ME3: variants seen among roughly 807,000 people sequenced by gnomAD.
The protein encoded by ME3 is NADP-dependent malic enzyme, mitochondrial.
In ME3, 48 loss-of-function variants were observed where a neutral mutation model predicts 68.9. That is an observed-to-expected ratio of 0.70 (90% CI 0.55 to 0.89). The LOEUF is 0.89. Ranked by LOEUF, ME3 falls within the 40% of genes least tolerant of loss-of-function variation. The probability of loss-of-function intolerance (pLI) is 0.00; values close to 1 mark genes in which losing one functional copy is unlikely to be tolerated. For missense variants in ME3, 675 were observed against 797.4 expected (o/e 0.85, Z 1.85); for synonymous variants, 320 against 318.8 (o/e 1.00, Z -0.04).
intron 2 of ME3, among the ~76,000 whole-genome samples, chr11:86,647,007 A>G (rs1358845564): frequency 6.6e-6 from 1 of 152,212 alleles, no homozygotes; most frequent in African/African-American, 2.4e-5. Context: ...ATGCTGAGGG[A>G]TTTTGTCACT....
At chr11:86,521,845 C>T (rs1023697090) in intron 4 of ME3, among the ~76,000 whole-genome samples, 4 of 152,178 alleles carry the variant, frequency 2.6e-5, no homozygotes, top group Admixed American at 6.5e-5. Context: ...CCTGTGTAGT[C>T]ATTAATTAAA....
intron 2 of ME3, among the ~76,000 whole-genome samples, chr11:86,655,413 G>T (rs1458786188): frequency 6.6e-6 from 1 of 152,084 alleles, no homozygotes; most frequent in Non-Finnish European, 1.5e-5. Context: ...TAGATCAATG[G>T]AACAGAACAG....
rs949293919 is a variant in ME3 at position 86,533,001 on chromosome 11, G to C, written c.467+23552C>G. 3.8e-4 allele frequency among the ~76,000 whole-genome samples: 58 copies of C among 152,010 alleles called. 1 individual carries two copies. The highest frequency in any genetic ancestry group is 7.9e-4 in the Non-Finnish European group (54 of 67,990). ...CAGGAGGCAGAGGTTGCAGTGAGCT[G>C]AGATCGCATCATTGCACTCCAGCCT... is the stretch of plus-strand genomic sequence containing the variant. On this transcript the variant is annotated intron_variant, in intron 4 of 14. Transcript: ENST00000543262.
intron 7 of ME3, among the ~76,000 whole-genome samples, chr11:86,483,959 T>C (rs149416153): frequency 6.6e-6 from 1 of 152,344 alleles, no homozygotes; most frequent in Non-Finnish European, 1.5e-5. Context: ...ATCCACTGCA[T>C]GACAGGGAAA....
intron 4 of ME3, among the ~76,000 whole-genome samples, chr11:86,527,798 C>A (rs200936579): frequency 1.3e-5 from 2 of 152,178 alleles, no homozygotes; most frequent in East Asian, 1.9e-4. Context: ...CATAGACAAG[C>A]AAATGCTGAG....
At chr11:86,475,777 C>T (rs1424591022) in intron 7 of ME3, among the ~76,000 whole-genome samples, 2 of 150,760 alleles carry the variant, frequency 1.3e-5, no homozygotes, top group African/African-American at 4.9e-5. Context: ...AGATTAAAGT[C>T]CTAGGCTGGA....
At chr11:86,577,453 T>G (rs1344573052) in intron 2 of ME3, among the ~76,000 whole-genome samples, 1 of 152,172 alleles carries the variant, frequency 6.6e-6, no homozygotes, top group East Asian at 1.9e-4. Flanking sequence ...ACTTGTTCAT[T>G]CAACAAATGT....
chr11:86,503,113 A>G (rs1487157512), intron 5 of ME3, among the ~76,000 whole-genome samples: 1 of 151,950 alleles, frequency 6.6e-6, no homozygotes, highest in Non-Finnish European at 1.5e-5. Flanking sequence ...TTAGTTTCAA[A>G]TCTTGGTTCC....
intron 2 of ME3, among the ~76,000 whole-genome samples, chr11:86,574,778 T>C (rs756503434): frequency 1.3e-5 from 2 of 152,328 alleles, no homozygotes; most frequent in Non-Finnish European, 2.9e-5. Flanking sequence ...TACGTCAACT[T>C]TCTCGTAGTC....
intron 2 of ME3, among the ~76,000 whole-genome samples, chr11:86,650,406 T>G (rs1945322752): frequency 6.6e-6 from 1 of 152,186 alleles, no homozygotes; most frequent in Admixed American, 6.5e-5. Flanking sequence ...GGGCAAATAC[T>G]TCATGGCTAA....
At chr11:86,650,986 C>G (rs926478133) in intron 2 of ME3, among the ~76,000 whole-genome samples, 2 of 152,218 alleles carry the variant, frequency 1.3e-5, no homozygotes, top group African/African-American at 2.4e-5. Context: ...CCCACAGAGC[C>G]TCACTCATTG....
chr11:86,623,657 G>A (rs971529092), intron 2 of ME3, among the ~76,000 whole-genome samples: 3 of 152,150 alleles, frequency 2.0e-5, no homozygotes, highest in African/African-American at 7.2e-5. Flanking sequence ...CCAGACAGTC[G>A]AGAGTCAAGT....
chr11:86,646,338 A>G (rs915489851), intron 2 of ME3, among the ~76,000 whole-genome samples: 8 of 152,252 alleles, frequency 5.3e-5, no homozygotes, highest in Admixed American at 5.2e-4. Context: ...TAGAATAACC[A>G]GTTTAGAGAA....
chr11:86,445,034 G>C (rs1949205297), intron 13 of ME3, among the ~76,000 whole-genome samples: 1 of 152,136 alleles, frequency 6.6e-6, no homozygotes. Context: ...ATGTCCCATG[G>C]TATTATATAG....
intron 4 of ME3, among the ~76,000 whole-genome samples, chr11:86,525,762 C>T (rs1054987988): frequency 1.3e-5 from 2 of 150,344 alleles, no homozygotes; most frequent in African/African-American, 4.9e-5. Flanking sequence ...CGAGGGAGAC[C>T]GAGGTAAGAG....
At chr11:86,441,009 A>G, downstream of ME3, 1 of 274,988 alleles carries the variant, frequency 3.6e-6, no homozygotes. Flanking sequence ...GAGATTCTGC[A>G]TTTCCCACAA....
downstream of ME3, chr11:86,437,328 T>G (rs1948903616): frequency 6.6e-6 from 1 of 152,178 alleles, no homozygotes; most frequent in African/African-American, 2.4e-5. Flanking sequence ...TGATGGAAAC[T>G]TAGATTAATT....
chr11:86,600,888 T>G (rs1960524463), intron 2 of ME3, among the ~76,000 whole-genome samples: 2 of 148,766 alleles, frequency 1.3e-5, no homozygotes, highest in Non-Finnish European at 3.0e-5. Flanking sequence ...GAAATAAAGA[T>G]GTTCTTTGAA....
Position 86,592,710 on chromosome 11 carries a change from C to G in ME3, c.184-32887G>C, listed in dbSNP as rs116906610. 1.0e-3 allele frequency among the ~76,000 whole-genome samples: 154 copies of G among 152,276 alleles called. 1 individual carries two copies. In the East Asian group the frequency reaches 0.026, roughly 26 times the overall value. ...CAACAAAGGAGCATTTTACCCAATT[C>G]CCACTCAGATTTAGAGATGTCAAGT... On this transcript the variant is annotated intron_variant, in intron 2 of 14. Coordinates refer to ENST00000543262, the Ensembl canonical transcript of ME3.
Sources: allele counts gnomAD v4.1 joint callset (sites outside exome capture counted in the v4.1 genomes callset), GRCh38; gene constraint gnomAD v4.1.1; transcripts MANE v1.5; gene names NCBI Gene and HGNC (gene_info 2026-07-23, HGNC 2026-07-21).